Variants in HYDIN observed in about 807,000 individuals in gnomAD.
HYDIN encodes the protein HYDIN axonemal central pair apparatus protein, also known as axonemal central pair apparatus protein HYDIN.
Under a neutral mutation model 403.9 loss-of-function variants are expected in HYDIN, and 132 were observed. That is an observed-to-expected ratio of 0.33 (90% CI 0.28 to 0.38). HYDIN has a LOEUF of 0.38. HYDIN is among the 10% of genes least tolerant of loss of function. The pLI, the probability that HYDIN is intolerant of heterozygous loss-of-function variation, is 1.00. For missense variants in HYDIN, 2,827 were observed against 5,009.5 expected, an observed-to-expected ratio of 0.56 and a Z score of 13.15; for synonymous variants, 1,202 against 1,891.7, an observed-to-expected ratio of 0.64 and a Z score of 9.46.
At chr16:70,973,236 C>T (rs1323135517) in intron 35 of HYDIN, 107 bp downstream of exon 35, 1 of 431,704 alleles carries the variant, frequency 2.3e-6, no homozygotes, top group Non-Finnish European at 4.2e-6. Context: ...AAAAGCAAGG[C>T]ACAGGTCACT....
At chr16:71,139,279 G>C (rs985539167) in intron 7 of HYDIN, among the ~76,000 whole-genome samples, 10 of 152,088 alleles carry the variant, frequency 6.6e-5, no homozygotes, top group East Asian at 1.9e-4. Context: ...AATTTTTTGG[G>C]GGGGGAAAGG....
At chr16:71,085,195 T>G (rs1322869306) in intron 12 of HYDIN, among the ~76,000 whole-genome samples, 1 of 84,718 alleles carries the variant, frequency 1.2e-5, no homozygotes, top group Non-Finnish European at 2.3e-5. Context: ...TCATTAAACA[T>G]TCAGTAGAAT....
At chr16:70,824,997 G>A (rs1027215445) in intron 83 of HYDIN, among the ~76,000 whole-genome samples, 16 of 151,892 alleles carry the variant, frequency 1.1e-4, no homozygotes, top group Admixed American at 3.3e-4. Flanking sequence ...CTATAGGCGC[G>A]TGCCAGCCCA....
rs771271181 is a variant in HYDIN at position 70,855,256 on chromosome 16, A to T, written c.12315T>A (p.Thr4105=). The change falls in exon 73 of 86, where the codon ACT becomes ACA. Residue 4105 remains threonine (T), a synonymous_variant. Transcript: ENST00000393567. ...GCTCCTCCTTGTTAATGATCTGCAC[A>T]GTCTCCCTGGCTTCTCTGCCTGAGG... is the stretch of plus-strand genomic sequence containing the variant. ...SLLIGREARE[T]VQIINKEEQG... is the part of the protein sequence containing the mutation. 5.0e-5 allele frequency: 79 copies of T among 1,570,394 alleles called. 8 individuals carry two copies. The highest frequency in any genetic ancestry group is 3.3e-4 in the Admixed American group (19 of 57,668).
chr16:70,902,819 A>ATTTTTTTTTT lies in HYDIN; in HGVS notation c.8849+805_8849+806insAAAAAAAAAA, dbSNP rs1444020291. ...AATATATATATATATATATATATAT[A>ATTTTTTTTTT]TATTTTTTTTTTTTTTTTTGTCCCA... On this transcript the variant is annotated intron_variant, in intron 52 of 85. Coordinates refer to ENST00000393567, the MANE Select transcript of HYDIN (RefSeq NM_001270974.2). Among the ~76,000 whole-genome samples the ATTTTTTTTTT allele has an allele frequency of 7.0e-4, 12 of 17,206 alleles. No homozygotes were observed. The Admixed American group carries it at 8.1e-3, about 12-fold the overall frequency. 11.3% of individuals were successfully genotyped at this position (17,206 alleles called of 152,430 possible).
chr16:71,139,622 A>G (rs1380669558), intron 7 of HYDIN, among the ~76,000 whole-genome samples: 2 of 151,922 alleles, frequency 1.3e-5, no homozygotes, highest in East Asian at 3.8e-4. Flanking sequence ...CAAAATAAAT[A>G]TTTAATAAAA....
intron 53 of HYDIN, among the ~76,000 whole-genome samples, chr16:70,896,660 T>G (rs1443105672): frequency 2.7e-5 from 4 of 149,484 alleles, no homozygotes; most frequent in African/African-American, 5.0e-5. Flanking sequence ...CCAACTGTTT[T>G]TTTTTTTTTT....
intron 6 of HYDIN, chr16:71,153,004 A>G (rs951870024): frequency 1.4e-5 from 6 of 432,166 alleles, no homozygotes; most frequent in Non-Finnish European, 2.2e-5. Context: ...CAACTTAAAC[A>G]ATGCAACAAT....
intron 13 of HYDIN, among the ~76,000 whole-genome samples, chr16:71,078,940 C>T (rs1190762983): frequency 1.3e-5 from 2 of 152,178 alleles, no homozygotes; most frequent in African/African-American, 2.4e-5. Context: ...AAGAATGAGG[C>T]TGTATTTCCT....
intron 47 of HYDIN, among the ~76,000 whole-genome samples, chr16:70,917,974 A>T (rs564460564): frequency 2.0e-4 from 31 of 152,104 alleles, no homozygotes; most frequent in African/African-American, 7.5e-4. Context: ...GTTAGGTGAG[A>T]ATCAATCATT....
intron 19 of HYDIN, among the ~76,000 whole-genome samples, chr16:71,030,363 T>TTATATATGTGTGTGTATACA (rs367777233): frequency 1.3e-5 from 2 of 151,928 alleles, no homozygotes; most frequent in African/African-American, 4.8e-5. Context: ...AGCCCAAACC[T>TTATATATGTGTGTGTATACA]TATATATGTG....
chr16:71,189,153 T>G (rs2087295954), intron 1 of HYDIN, among the ~76,000 whole-genome samples: 1 of 152,140 alleles, frequency 6.6e-6, no homozygotes, highest in Non-Finnish European at 1.5e-5. Flanking sequence ...GACTCAGCAA[T>G]CCCTATTCTA....
At chr16:70,880,620 G>T (rs2143683551) in intron 60 of HYDIN, among the ~76,000 whole-genome samples, 1 of 152,296 alleles carries the variant, frequency 6.6e-6, no homozygotes, top group Middle Eastern at 3.4e-3. Context: ...CTTTGTCTGG[G>T]TTAATCTGAG....
At chr16:71,010,485 T>C (rs1194594847) in intron 23 of HYDIN, among the ~76,000 whole-genome samples, 2 of 151,898 alleles carry the variant, frequency 1.3e-5, no homozygotes, top group Admixed American at 1.3e-4. Flanking sequence ...AAATATGGCC[T>C]GGTATCAACA....
At chr16:70,863,006 T>C in intron 68 of HYDIN, 79 bp downstream of exon 68, 1 of 1,028,296 alleles carries the variant, frequency 9.7e-7, no homozygotes, top group Non-Finnish European at 1.5e-6. Flanking sequence ...CTCTGAGCAG[T>C]GCTGGCCTCT....
At chr16:70,895,635 C>A (rs990743597) in intron 54 of HYDIN, among the ~76,000 whole-genome samples, 3 of 147,348 alleles carry the variant, frequency 2.0e-5, no homozygotes, top group Admixed American at 2.0e-4. Context: ...AACTGTAGGG[C>A]AATATGTTTG....
intron 53 of HYDIN, among the ~76,000 whole-genome samples, chr16:70,899,075 T>G (rs1369046548): frequency 1.3e-5 from 2 of 150,448 alleles, no homozygotes; most frequent in East Asian, 2.0e-4. Context: ...CCGGCCTAGT[T>G]CAAGTACTAA....
intron 18 of HYDIN, among the ~76,000 whole-genome samples, chr16:71,033,644 G>A (rs535944812): frequency 3.3e-5 from 5 of 152,058 alleles, no homozygotes; most frequent in Middle Eastern, 6.8e-3. Flanking sequence ...CGGGGGGCAG[G>A]GGGGAGAGCA....
intron 75 of HYDIN, among the ~76,000 whole-genome samples, chr16:70,846,046 T>C (rs1597107745): frequency 6.6e-6 from 1 of 150,924 alleles, no homozygotes; most frequent in East Asian, 1.9e-4. Context: ...TTTCCTTCAG[T>C]TCTGCTCTGA....
Sources: allele counts gnomAD v4.1 joint callset (sites outside exome capture counted in the v4.1 genomes callset), GRCh38; gene constraint gnomAD v4.1.1; transcripts MANE v1.5; gene names NCBI Gene and HGNC (gene_info 2026-07-23, HGNC 2026-07-21).